Variants in EYS observed in about 807,000 individuals in gnomAD.
EYS encodes EGF-like photoreceptor maintenance factor.
In EYS, 250 loss-of-function variants were observed where a neutral mutation model predicts 282.1. That is an observed-to-expected ratio of 0.89 (90% CI 0.80 to 0.98). EYS has a LOEUF of 0.98. Among genes scored for constraint, EYS ranks in the 50% least tolerant of loss-of-function variants. The pLI is 0.00. For synonymous variants in EYS, 1,355 were observed against 1,282.9 expected (o/e 1.06, Z -1.20); for missense variants, 4,016 against 3,709.0 (o/e 1.08, Z -2.15).
chr6:65,379,001 T>A (rs1181624289), intron 8 of EYS, among the ~76,000 whole-genome samples: 1 of 151,842 alleles, frequency 6.6e-6, no homozygotes, highest in Non-Finnish European at 1.5e-5. Context: ...ACCTGCACAT[T>A]CTGCACATGT....
chr6:64,560,089 G>A (rs760306483), intron 26 of EYS, among the ~76,000 whole-genome samples: 1 of 151,840 alleles, frequency 6.6e-6, no homozygotes, highest in Non-Finnish European at 1.5e-5. Flanking sequence ...CATTGTTCTT[G>A]TATTTCTGTA....
chr6:65,515,280 G>T (rs1192337827), intron 2 of EYS, among the ~76,000 whole-genome samples: 2 of 151,884 alleles, frequency 1.3e-5, no homozygotes, highest in South Asian at 2.1e-4. Context: ...TCATTAAAAA[G>T]TCAGGAAACA....
intron 10 of EYS, among the ~76,000 whole-genome samples, chr6:65,335,575 C>A (rs1271800986): frequency 6.6e-6 from 1 of 151,598 alleles, no homozygotes; most frequent in Non-Finnish European, 1.5e-5. Flanking sequence ...TTTATGTGAA[C>A]TGCCAAATTC....
chr6:65,202,123 T>C (rs980938895), intron 12 of EYS, among the ~76,000 whole-genome samples: 1 of 150,966 alleles, frequency 6.6e-6, no homozygotes, highest in African/African-American at 2.4e-5. Context: ...AAAAAAAAAA[T>C]GTATTTTACA....
chr6:64,136,264 T>C (rs1378994802), intron 31 of EYS, among the ~76,000 whole-genome samples: 1 of 152,138 alleles, frequency 6.6e-6, no homozygotes, highest in Non-Finnish European at 1.5e-5. Context: ...TAATCCCAGT[T>C]ATCTTGCTAT....
chr6:65,239,524 C>A (rs1425654363), intron 12 of EYS, among the ~76,000 whole-genome samples: 1 of 151,852 alleles, frequency 6.6e-6, no homozygotes, highest in African/African-American at 2.4e-5. Context: ...TTTAAAAATT[C>A]TTTTAAAATT....
chr6:65,574,747 T>C (rs1764598803), intron 2 of EYS, among the ~76,000 whole-genome samples: 1 of 152,114 alleles, frequency 6.6e-6, no homozygotes. Context: ...GGACTTGAAC[T>C]ATATGCTTTA....
intron 8 of EYS, among the ~76,000 whole-genome samples, chr6:65,363,186 A>G (rs1013080920): frequency 3.7e-5 from 4 of 108,840 alleles, no homozygotes; most frequent in Admixed American, 9.1e-5. Context: ...ATTTAAAATG[A>G]TATTAAAACT....
intron 35 of EYS, among the ~76,000 whole-genome samples, chr6:63,955,764 C>A (rs1468463728): frequency 1.3e-5 from 2 of 152,118 alleles, no homozygotes; most frequent in Non-Finnish European, 2.9e-5. Flanking sequence ...ACCAACCAAA[C>A]AAGTAATTAC....
intron 31 of EYS, among the ~76,000 whole-genome samples, chr6:64,114,558 G>A (rs1391242345): frequency 6.6e-6 from 1 of 152,166 alleles, no homozygotes; most frequent in African/African-American, 2.4e-5. Flanking sequence ...TGATTGATGT[G>A]CCAGAAACAT....
Position 64,590,211 on chromosome 6 carries a change from T to C in EYS, c.5644+12A>G. 2 of 1,520,078 alleles carry C rather than the reference T, an allele frequency of 1.3e-6. No individual in the cohort carries two copies. Among genetic ancestry groups the C allele is most frequent in the Non-Finnish European group, 1.8e-6 (2 of 1,134,134 alleles). 94.2% of individuals were successfully genotyped at this position (1,520,078 alleles called of 1,614,324 possible). On this transcript the variant is annotated intron_variant, in intron 26 of 42. Coordinates refer to ENST00000503581, the MANE Select transcript of EYS (RefSeq NM_001142800.2). ...TTCTAAAAGTTTACTGAACAGAAAC[T>C]GAGAAACTCACCAGAAATCATCAGC...
At chr6:65,480,827 G>A (rs1765580828) in intron 5 of EYS, among the ~76,000 whole-genome samples, 1 of 152,046 alleles carries the variant, frequency 6.6e-6, no homozygotes, top group South Asian at 2.1e-4. Context: ...AAACCTGTAG[G>A]ATATTATATT....
intron 31 of EYS, among the ~76,000 whole-genome samples, chr6:64,187,535 A>G (rs569681857): frequency 8.9e-4 from 136 of 152,194 alleles, no homozygotes; most frequent in African/African-American, 3.2e-3. Context: ...AAATAAATAA[A>G]AAAAATTTAT....
At chr6:64,337,710 T>C (rs1191751781) in intron 29 of EYS, among the ~76,000 whole-genome samples, 2 of 151,872 alleles carry the variant, frequency 1.3e-5, no homozygotes, top group East Asian at 1.9e-4. Flanking sequence ...CCCTGACGAA[T>C]ACAGATACTA....
In EYS at chr6:64,918,792, T is replaced by C. The variant is rs114017948; in HGVS notation, c.2382-6049A>G. Among the ~76,000 whole-genome samples the C allele has an allele frequency of 8.7e-3, 1,318 of 152,280 alleles. 10 individuals are homozygous for C. The highest frequency in any genetic ancestry group is 0.014 in the Middle Eastern group (4 of 294). ...ACGATGGAAATAGAAGAAAATAAGATGGCACTGATGCTTAATATGTAACAA... is the reference window on the plus strand; with the variant it reads ...ACGATGGAAATAGAAGAAAATAAGACGGCACTGATGCTTAATATGTAACAA... On this transcript the variant is annotated intron_variant, in intron 15 of 42. Transcript: ENST00000503581.
At chr6:64,182,874 C>T (rs1370924532) in intron 31 of EYS, among the ~76,000 whole-genome samples, 3 of 152,108 alleles carry the variant, frequency 2.0e-5, no homozygotes, top group South Asian at 2.1e-4. Context: ...TTTCCTGTCG[C>T]CTGGCTGCCC....
intron 26 of EYS, among the ~76,000 whole-genome samples, chr6:64,515,385 A>T (rs962388281): frequency 2.9e-4 from 44 of 151,562 alleles, no homozygotes; most frequent in Non-Finnish European, 8.9e-5. Context: ...ATTTGTAAAT[A>T]TCTATTTAAT....
chr6:65,109,262 T>G (rs6917799), intron 12 of EYS, among the ~76,000 whole-genome samples: 34,290 of 151,904 alleles, frequency 0.23, 4,392 homozygotes, highest in African/African-American at 0.34. Flanking sequence ...TCCTTTCTCT[T>G]GAACCTATGC....
intron 22 of EYS, among the ~76,000 whole-genome samples, chr6:64,660,167 C>T (rs1188496395): frequency 6.6e-6 from 1 of 152,104 alleles, no homozygotes; most frequent in Non-Finnish European, 1.5e-5. Context: ...GCAGAAAAGG[C>T]CTTTGACAAA....
Sources: allele counts gnomAD v4.1 joint callset (sites outside exome capture counted in the v4.1 genomes callset), GRCh38; gene constraint gnomAD v4.1.1; transcripts MANE v1.5; gene names NCBI Gene and HGNC (gene_info 2026-07-23, HGNC 2026-07-21).